The following DPYD variants were observed in gnomAD, a reference collection of about 807,000 sequenced individuals.
The protein encoded by DPYD is dihydropyrimidine dehydrogenase.
DPYD carries 109 observed loss-of-function variants against 116.2 expected under a neutral mutation model. The observed-to-expected ratio is 0.94, with a 90% CI of 0.80 to 1.10. DPYD has a LOEUF of 1.10. DPYD is among the 50% of genes least tolerant of loss of function. The pLI is 0.00. For missense variants in DPYD, 1,302 were observed against 1,254.5 expected (o/e 1.04, Z -0.57); for synonymous variants, 440 against 432.0 (o/e 1.02, Z -0.23).
At chr1:97,693,290 C>CAAAAA (rs201872835) in intron 6 of DPYD, among the ~76,000 whole-genome samples, 1 of 41,842 alleles carries the variant, frequency 2.4e-5, no homozygotes, top group Non-Finnish European at 4.1e-5. Flanking sequence ...GACTCCGTCT[C>CAAAAA]AAAAAAAAAA....
chr1:97,529,876 C>A (rs1035500323), intron 12 of DPYD, among the ~76,000 whole-genome samples: 2 of 144,872 alleles, frequency 1.4e-5, no homozygotes, highest in Non-Finnish European at 3.0e-5. Flanking sequence ...TCCTTCTTTC[C>A]TCTTTCCTTC....
intron 18 of DPYD, among the ~76,000 whole-genome samples, chr1:97,284,143 T>C (rs1003439000): frequency 6.6e-6 from 1 of 152,170 alleles, no homozygotes; most frequent in Non-Finnish European, 1.5e-5. Context: ...TTTTCTAGAA[T>C]GATACGTCAC....
intron 20 of DPYD, among the ~76,000 whole-genome samples, chr1:97,110,346 A>G (rs1651501783): frequency 6.6e-6 from 1 of 151,998 alleles, no homozygotes; most frequent in Admixed American, 6.6e-5. Context: ...AATCCCACTC[A>G]CCTGCACTTT....
intron 8 of DPYD, among the ~76,000 whole-genome samples, chr1:97,650,312 T>C (rs1377276776): frequency 6.6e-6 from 1 of 152,204 alleles, no homozygotes; most frequent in South Asian, 2.1e-4. Flanking sequence ...ATTACTCCAG[T>C]AGAAAAAGGA....
chr1:97,400,160 G>C (rs962738290), intron 14 of DPYD, among the ~76,000 whole-genome samples: 1 of 152,074 alleles, frequency 6.6e-6, no homozygotes. Flanking sequence ...TAGCATGAAG[G>C]GCTGTTGAAT....
chr1:97,403,051 T>C (rs976348967), intron 14 of DPYD, among the ~76,000 whole-genome samples: 2 of 152,050 alleles, frequency 1.3e-5, no homozygotes, highest in Admixed American at 6.6e-5. Context: ...TAAGAGATAC[T>C]GGTCTATAGT....
At chr1:97,532,643 T>A (rs1314119881) in intron 12 of DPYD, among the ~76,000 whole-genome samples, 1 of 152,128 alleles carries the variant, frequency 6.6e-6, no homozygotes, top group African/African-American at 2.4e-5. Context: ...CCACTTCTTC[T>A]AGGTTGTCAA....
intron 20 of DPYD, 113 bp from the exon 21 acceptor site, chr1:97,098,745 C>T (rs1650448465): frequency 8.0e-7 from 1 of 1,249,406 alleles, no homozygotes; most frequent in African/African-American, 1.5e-5. Context: ...GGGATTGTTT[C>T]ATGTATACTG....
intron 3 of DPYD, among the ~76,000 whole-genome samples, chr1:97,825,771 T>TAAAA (rs397940082): frequency 6.9e-6 from 1 of 144,344 alleles, no homozygotes; most frequent in Non-Finnish European, 1.5e-5. Context: ...TAAAGTATAA[T>TAAAA]AAAAAAAAAA....
chr1:97,915,470 C>T (rs747760934), intron 1 of DPYD, among the ~76,000 whole-genome samples: 3 of 152,024 alleles, frequency 2.0e-5, no homozygotes, highest in Non-Finnish European at 4.4e-5. Flanking sequence ...TAATTATAAA[C>T]CACAGGAAAG....
chr1:97,329,752 TAAA>T (rs10719278), intron 16 of DPYD, among the ~76,000 whole-genome samples: 1 of 127,264 alleles, frequency 7.9e-6, no homozygotes. Context: ...AACTCCATCT[TAAA>T]AAAAAAAAAA....
intron 15 of DPYD, among the ~76,000 whole-genome samples, chr1:97,377,130 G>T (rs1004470706): frequency 1.8e-4 from 27 of 151,786 alleles, no homozygotes; most frequent in African/African-American, 6.5e-4. Flanking sequence ...TTGTTGTAAG[G>T]CATAAATAAA....
intron 13 of DPYD, among the ~76,000 whole-genome samples, chr1:97,465,910 G>A (rs949351197): frequency 1.3e-5 from 2 of 152,116 alleles, no homozygotes; most frequent in Non-Finnish European, 2.9e-5. Context: ...AGGAGTTCAA[G>A]ACCAGCCTGG....
chr1:97,720,807 T>C (rs1662879514), intron 5 of DPYD: 1 of 1,564,112 alleles, frequency 6.4e-7, no homozygotes, highest in South Asian at 1.2e-5. Context: ...ATCATTTAAA[T>C]GATACATGGG....
intron 11 of DPYD, among the ~76,000 whole-genome samples, chr1:97,572,326 A>G (rs1000549732): frequency 1.8e-4 from 28 of 151,934 alleles, no homozygotes; most frequent in Admixed American, 7.2e-4. Flanking sequence ...GCCTGCGCGC[A>G]CACACACACA....
Position 97,460,552 on chromosome 1 carries a change from T to G in DPYD, c.1741-10329A>C, listed in dbSNP as rs113478065. On this transcript the variant is annotated intron_variant, in intron 13 of 22. Transcript: ENST00000370192. ...TGCTGAGTACTTTGAACTAAAGGAA[T>G]AGCCTCAGAACCAAGGTCTCTCTGG... Among the ~76,000 whole-genome samples the G allele has an allele frequency of 6.8e-3, 1,030 of 152,290 alleles. 8 individuals are homozygous for G. The highest frequency in any genetic ancestry group is 0.024 in the African/African-American group (978 of 41,564).
intron 8 of DPYD, among the ~76,000 whole-genome samples, chr1:97,644,380 G>C (rs907420733): frequency 7.9e-5 from 12 of 151,990 alleles, no homozygotes; most frequent in Admixed American, 2.6e-4. Flanking sequence ...CAAATAATTT[G>C]AGTATATACA....
At chr1:97,695,110 T>C (rs921230264) in intron 6 of DPYD, among the ~76,000 whole-genome samples, 1 of 152,130 alleles carries the variant, frequency 6.6e-6, no homozygotes, top group African/African-American at 2.4e-5. Flanking sequence ...CAGATTCCAA[T>C]ATGTGAAAAG....
chr1:97,325,894 G>T (rs979756982), intron 16 of DPYD, among the ~76,000 whole-genome samples: 7 of 151,848 alleles, frequency 4.6e-5, no homozygotes, highest in Non-Finnish European at 8.8e-5. Flanking sequence ...TGTCCACATG[G>T]TTCAGCTAGA....
Sources: gnomAD v4.1 joint callset for allele counts (sites outside exome capture counted in the v4.1 genomes callset) on GRCh38, gnomAD v4.1.1 for gene constraint, MANE v1.5 for transcripts, NCBI Gene and HGNC (gene_info 2026-07-23, HGNC 2026-07-21) for gene names.